The following DNAH14 variants were observed in gnomAD, a reference collection of about 807,000 sequenced individuals.
DNAH14 encodes the protein dynein axonemal heavy chain 14.
In DNAH14, 478 loss-of-function variants were observed where a neutral mutation model predicts 520.9. The observed-to-expected ratio is 0.92, with a 90% CI of 0.85 to 0.99. The LOEUF is 0.99. DNAH14 is among the 50% of genes least tolerant of loss of function. The pLI is 0.00. For synonymous variants in DNAH14, 1,581 were observed against 1,757.2 expected (o/e 0.90, Z 2.51); for missense variants, 4,831 against 5,234.5 (o/e 0.92, Z 2.38).
intron 56 of DNAH14, among the ~76,000 whole-genome samples, chr1:225,301,713 A>G (rs1035728490): frequency 2.0e-5 from 3 of 152,158 alleles, no homozygotes; most frequent in Non-Finnish European, 4.4e-5. Flanking sequence ...ATCATAGGGC[A>G]ATTTAAAAAT....
chr1:225,168,212 C>A (rs2082221368), intron 36 of DNAH14, among the ~76,000 whole-genome samples, 184 bp downstream of exon 36: 1 of 152,132 alleles, frequency 6.6e-6, no homozygotes, highest in Admixed American at 6.5e-5. Flanking sequence ...ATAGGAACAG[C>A]TCCAGTCTAC....
At chr1:225,276,586 G>A (rs2093473626) in intron 53 of DNAH14, among the ~76,000 whole-genome samples, 1 of 152,024 alleles carries the variant, frequency 6.6e-6, no homozygotes, top group Non-Finnish European at 1.5e-5. Flanking sequence ...TATCCTACTT[G>A]CCAAGACAGA....
At chr1:225,085,418 C>A in intron 20 of DNAH14, 126 bp from the exon 21 acceptor site, 1 of 869,084 alleles carries the variant, frequency 1.2e-6, no homozygotes, top group Non-Finnish European at 1.8e-6. Context: ...GGATATAAAC[C>A]TAACTGGAAT....
intron 1 of DNAH14, among the ~76,000 whole-genome samples, chr1:224,935,441 T>G (rs974321291): frequency 1.3e-5 from 2 of 151,812 alleles, no homozygotes; most frequent in Admixed American, 1.3e-4. Context: ...TAGCCATACT[T>G]AGATAAAACA....
intron 1 of DNAH14, among the ~76,000 whole-genome samples, chr1:224,940,955 T>C (rs1445854122): frequency 6.6e-6 from 1 of 152,188 alleles, no homozygotes; most frequent in Non-Finnish European, 1.5e-5. Flanking sequence ...TCTTTGCTAT[T>C]GTGAATAGTG....
intron 66 of DNAH14, among the ~76,000 whole-genome samples, chr1:225,335,990 C>CGTGT (rs2150348984): frequency 7.7e-6 from 1 of 130,374 alleles, no homozygotes; most frequent in South Asian, 2.5e-4. Context: ...TGTATATACA[C>CGTGT]ACATATGCAT....
chr1:225,144,806 G>A (rs1467216366), intron 29 of DNAH14, among the ~76,000 whole-genome samples, 178 bp downstream of exon 29: 8 of 152,008 alleles, frequency 5.3e-5, no homozygotes, highest in African/African-American at 1.9e-4. Flanking sequence ...ATTGTGTGCT[G>A]GAGCTTAGAA....
chr1:225,080,464 G>C lies in DNAH14; in HGVS notation c.2852G>C (p.Ser951Thr), dbSNP rs2072993177. The C allele has an allele frequency of 6.4e-7, 1 of 1,551,762 alleles. No individual in the cohort carries two copies. The highest frequency in any genetic ancestry group is 2.4e-5 in the East Asian group (1 of 40,912). Residue 951 changes from serine (S) to threonine (T), a missense_variant, in exon 19 of 86, where the codon AGT becomes ACT. By Grantham distance (58) the Ser-to-Thr change is moderately conservative. Coordinates refer to ENST00000682510, the MANE Select transcript of DNAH14 (RefSeq NM_001367479.1). Reference sequence around the variant, plus strand: ...CAGACTCTCTCAGGGGAAGCTGCAAGTTTAACTAACAAAGCTAAAGCATAT... The same window carrying C: ...CAGACTCTCTCAGGGGAAGCTGCAACTTTAACTAACAAAGCTAAAGCATAT... ...MIQTLSGEAA[S>T]LTNKAKAYSH...
chr1:224,969,738 A>C (rs2061395312), intron 7 of DNAH14: 1 of 208,830 alleles, frequency 4.8e-6, no homozygotes, highest in African/African-American at 2.4e-5. Context: ...TAATACTTTT[A>C]TAATTTCTTA....
Position 225,303,241 on chromosome 1 carries a change from T to C in DNAH14, c.8717T>C (p.Met2906Thr). 6.4e-7 allele frequency: 1 copy of C among 1,551,548 alleles called. No homozygotes were observed. Among genetic ancestry groups the C allele is most frequent in the Middle Eastern group, 1.7e-4 (1 of 5,990 alleles). ...CAAAATTGTAGAGTGTATCCTTCTA[T>C]GATTAGCTCCTGCACGATCGATTGG... ...FRQNCRVYPS[M>T]ISSCTIDWYE... The change falls in exon 57 of 86, where the codon ATG becomes ACG. Residue 2906 changes from methionine to threonine, a missense_variant. Coordinates refer to ENST00000682510, the MANE Select transcript of DNAH14 (RefSeq NM_001367479.1).
At chr1:225,219,783 A>G (rs945821127) in intron 41 of DNAH14, among the ~76,000 whole-genome samples, 1 of 152,176 alleles carries the variant, frequency 6.6e-6, no homozygotes. Flanking sequence ...AATAGAAAAT[A>G]GGGACTCCTC....
At chr1:225,198,757 A>G (rs1464676470) in intron 38 of DNAH14, among the ~76,000 whole-genome samples, 2 of 152,092 alleles carry the variant, frequency 1.3e-5, no homozygotes, top group Non-Finnish European at 2.9e-5. Context: ...TTTGTTAAAG[A>G]TTCTTGCATC....
In DNAH14 at chr1:225,007,555, A is replaced by G. The variant is rs1042735252; in HGVS notation, c.1107+11A>G. Reference sequence around the variant, plus strand: ...AGTACTTTTCTAAAGGTAATTCTTTAATTATATCATATTTATCAAAGTTGC... The same window carrying G: ...AGTACTTTTCTAAAGGTAATTCTTTGATTATATCATATTTATCAAAGTTGC... On this transcript the variant is annotated intron_variant, in intron 10 of 85. Transcript: ENST00000682510. The G allele has an allele frequency of 2.4e-5, 36 of 1,504,518 alleles. No individual in the cohort carries two copies. The highest frequency in any genetic ancestry group is 7.1e-6 in the Non-Finnish European group (8 of 1,122,216). The allele number at this position is 1,504,518 out of a possible 1,614,324, so 93.2% of individuals were successfully genotyped here.
At chr1:224,946,253 G>A (rs1004832238) in intron 1 of DNAH14, among the ~76,000 whole-genome samples, 3 of 152,108 alleles carry the variant, frequency 2.0e-5, no homozygotes, top group African/African-American at 7.2e-5. Context: ...TGCTGTGCTA[G>A]CAATGAGAGA....
intron 8 of DNAH14, among the ~76,000 whole-genome samples, chr1:225,000,364 T>C (rs2501130): frequency 0.15 from 22,958 of 152,138 alleles, 3,199 homozygotes; most frequent in African/African-American, 0.36. Flanking sequence ...GTGTGGATTA[T>C]TTTGTCTTTA....
At chr1:224,972,127 A>G (rs2061532226) in intron 7 of DNAH14, among the ~76,000 whole-genome samples, 1 of 151,954 alleles carries the variant, frequency 6.6e-6, no homozygotes, top group African/African-American at 2.4e-5. Context: ...TGGGACAAGA[A>G]TCATCTTTTT....
At chr1:224,978,132 A>C (rs528719269) in intron 8 of DNAH14, among the ~76,000 whole-genome samples, 1 of 152,332 alleles carries the variant, frequency 6.6e-6, no homozygotes, top group African/African-American at 2.4e-5. Context: ...AAATAGAGCT[A>C]CCATACAAGC....
rs1009307941 is a variant in DNAH14 at position 225,147,227 on chromosome 1, G to A, written c.4918G>A (p.Ala1640Thr). Residue 1640 changes from alanine (A) to threonine (T), a missense_variant, in exon 31 of 86, where the codon GCA (alanine) becomes ACA (threonine). Coordinates refer to ENST00000682510, the MANE Select transcript of DNAH14 (RefSeq NM_001367479.1). The part of the protein sequence containing the change: ...IASQILTIKA[A>T]KDNYSARFVL... ...CTCACAGATCCTAACAATTAAGGCTGCAAAAGACAACTATTCTGCCAGGTA... is the reference window on the plus strand; with the variant it reads ...CTCACAGATCCTAACAATTAAGGCTACAAAAGACAACTATTCTGCCAGGTA... The A allele has an allele frequency of 1.4e-5, 21 of 1,545,756 alleles. No individual in the cohort carries two copies. The African/African-American group carries it at 2.1e-4, about 15-fold the overall frequency.
intron 33 of DNAH14, among the ~76,000 whole-genome samples, chr1:225,153,400 T>G (rs1469501824): frequency 6.6e-6 from 1 of 152,166 alleles, no homozygotes; most frequent in East Asian, 1.9e-4. Flanking sequence ...TGCCAGAGTA[T>G]TTGTTGCTAA....
Sources: gnomAD v4.1 joint callset for allele counts (sites outside exome capture counted in the v4.1 genomes callset) on GRCh38, gnomAD v4.1.1 for gene constraint, MANE v1.5 for transcripts, NCBI Gene and HGNC (gene_info 2026-07-23, HGNC 2026-07-21) for gene names.